Variants in ANAPC1 observed in about 807,000 individuals in gnomAD.
ANAPC1 encodes anaphase promoting complex subunit 1, also known as anaphase-promoting complex subunit 1.
ANAPC1 carries 36 observed loss-of-function variants against 208.0 expected under a neutral mutation model. That is an observed-to-expected ratio of 0.17 (90% CI 0.13 to 0.23). The LOEUF (loss-of-function observed/expected upper bound fraction) is 0.23, where lower values mean the gene tolerates loss of function less well. Ranked by LOEUF, ANAPC1 falls within the 10% of genes least tolerant of loss-of-function variation. The pLI, the probability that ANAPC1 is intolerant of heterozygous loss-of-function variation, is 1.00. For synonymous variants in ANAPC1, 378 were observed against 695.2 expected (o/e 0.54, Z 7.18); for missense variants, 942 against 2,011.6 (o/e 0.47, Z 10.17).
intron 11 of ANAPC1, 21 bp downstream of exon 11, chr2:111,858,285 A>G: frequency 1.3e-6 from 2 of 1,585,358 alleles, no homozygotes; most frequent in Non-Finnish European, 8.6e-7. Flanking sequence ...TACAGAAACA[A>G]TGGGAAAGAC....
At position 111,767,907 on chromosome 2, in the gene ANAPC1, G is replaced by A. The variant is rs1449195161; in HGVS notation, c.*1384C>T. The A allele has an allele frequency of 6.6e-6, 1 of 152,204 alleles. No homozygotes were observed. The highest frequency in any genetic ancestry group is 2.4e-5 in the African/African-American group (1 of 41,446). 9.4% of individuals were successfully genotyped at this position (152,204 alleles called of 1,614,324 possible). On this transcript the variant is annotated 3_prime_UTR_variant, in exon 48 of 48. Coordinates refer to ENST00000341068, the MANE Select transcript of ANAPC1 (RefSeq NM_022662.4). ...CTCGGGGCAGCCACGCAAATGCAAG[G>A]ACAGAGAGTCCAGAGAATACCACTT...
intron 21 of ANAPC1, among the ~76,000 whole-genome samples, chr2:111,828,691 A>G (rs1443167803): frequency 6.6e-6 from 1 of 152,246 alleles, no homozygotes; most frequent in Non-Finnish European, 1.5e-5. Context: ...AATAAGCCAG[A>G]CACAGAGAGA....
intron 6 of ANAPC1, among the ~76,000 whole-genome samples, chr2:111,869,655 G>A (rs1463259457): frequency 6.6e-6 from 1 of 152,218 alleles, no homozygotes; most frequent in Admixed American, 6.5e-5. Flanking sequence ...CATACAGGCT[G>A]AGTATCCCTT....
chr2:111,806,087 TTC>T (rs1678660958), intron 29 of ANAPC1, among the ~76,000 whole-genome samples, 194 bp from the exon 30 acceptor site: 1 of 151,356 alleles, frequency 6.6e-6, no homozygotes, highest in Admixed American at 6.6e-5. Flanking sequence ...CCCAAAATAG[TTC>T]TTTTTAAATT....
In ANAPC1 at chr2:111,799,260, G is replaced by A. The variant is rs529169403; in HGVS notation, c.4296+1537C>T. On this transcript the variant is annotated intron_variant, in intron 34 of 47. Transcript: ENST00000341068. ...TTAAACAACAGTCAGATATCATTACGTATTCATCAGCAGCACTAAAACTTA... is the reference window on the plus strand; with the variant it reads ...TTAAACAACAGTCAGATATCATTACATATTCATCAGCAGCACTAAAACTTA... Among the ~76,000 whole-genome samples the A allele has an allele frequency of 5.2e-3, 792 of 151,738 alleles. 2 individuals are homozygous for A. The highest frequency in any genetic ancestry group is 0.017 in the African/African-American group (688 of 41,486).
chr2:111,844,693 T>C (rs1408618278), intron 16 of ANAPC1, among the ~76,000 whole-genome samples: 1 of 152,134 alleles, frequency 6.6e-6, no homozygotes, highest in Non-Finnish European at 1.5e-5. Context: ...CGAATAGCAA[T>C]GCTTAGCTAG....
chr2:111,879,383 G>T (rs1489415972), intron 2 of ANAPC1, among the ~76,000 whole-genome samples: 1 of 152,126 alleles, frequency 6.6e-6, no homozygotes, highest in Non-Finnish European at 1.5e-5. Context: ...TTCCTGCTTC[G>T]CAATCACATA....
intron 5 of ANAPC1, 69 bp downstream of exon 5, chr2:111,873,239 C>T: frequency 7.2e-6 from 10 of 1,383,798 alleles, no homozygotes; most frequent in South Asian, 1.5e-5. Flanking sequence ...ATAAGACATG[C>T]CTCTAAAACC....
At chr2:111,808,021 T>C (rs1207022300) in intron 29 of ANAPC1, among the ~76,000 whole-genome samples, 3 of 147,248 alleles carry the variant, frequency 2.0e-5, no homozygotes, top group Non-Finnish European at 4.6e-5. Context: ...AAATTATGGG[T>C]CCCAATCTTC....
At chr2:111,775,173 G>A (rs1676938917) in intron 46 of ANAPC1, among the ~76,000 whole-genome samples, 1 of 152,206 alleles carries the variant, frequency 6.6e-6, no homozygotes, top group Non-Finnish European at 1.5e-5. Context: ...GGCTGAGGCA[G>A]GACACTCGCT....
At chr2:111,841,916 C>T (rs1680787089) in intron 17 of ANAPC1, among the ~76,000 whole-genome samples, 1 of 152,160 alleles carries the variant, frequency 6.6e-6, no homozygotes, top group Non-Finnish European at 1.5e-5. Flanking sequence ...AGGTTCACCA[C>T]ACCACAAATA....
intron 16 of ANAPC1, among the ~76,000 whole-genome samples, chr2:111,846,591 A>G (rs1437998659): frequency 2.6e-5 from 2 of 76,208 alleles, no homozygotes; most frequent in African/African-American, 8.6e-5. Context: ...TTTTTTTGAG[A>G]CAGAGTCTCA....
intron 16 of ANAPC1, among the ~76,000 whole-genome samples, chr2:111,845,326 C>T (rs868049933): frequency 6.6e-6 from 1 of 152,172 alleles, no homozygotes; most frequent in Non-Finnish European, 1.5e-5. Flanking sequence ...TCTTTTTTCC[C>T]TTTCCACTGT....
At chr2:111,861,128 T>G (rs2104554370) in intron 10 of ANAPC1, among the ~76,000 whole-genome samples, 1 of 152,252 alleles carries the variant, frequency 6.6e-6, no homozygotes, top group South Asian at 2.1e-4. Flanking sequence ...CAAGCTGGAG[T>G]GCAGTAGTGT....
At chr2:111,873,499 A>C in intron 4 of ANAPC1, 91 bp from the exon 5 acceptor site, 1 of 1,509,538 alleles carries the variant, frequency 6.6e-7, no homozygotes, top group Non-Finnish European at 8.8e-7. Flanking sequence ...CACAATATAA[A>C]GATGCTTATG....
chr2:111,843,359 C>T, intron 17 of ANAPC1, 53 bp downstream of exon 17: 1 of 1,582,040 alleles, frequency 6.3e-7, no homozygotes, highest in Non-Finnish European at 8.7e-7. Context: ...ACCAATTATG[C>T]AACCATTACA....
chr2:111,877,723 G>A (rs911376607), intron 3 of ANAPC1, among the ~76,000 whole-genome samples: 8 of 152,148 alleles, frequency 5.3e-5, no homozygotes, highest in Non-Finnish European at 1.2e-4. Flanking sequence ...GGCAGAGCTT[G>A]CAGTGAGCTG....
chr2:111,858,380 T>C lies in ANAPC1; in HGVS notation c.1284A>G (p.Ser428=), dbSNP rs753053620. 1.9e-6 allele frequency: 3 copies of C among 1,613,414 alleles called. No individual in the cohort carries two copies. The highest frequency in any genetic ancestry group is 2.5e-6 in the Non-Finnish European group (3 of 1,179,564). ...ATAGGTCAGATGTAATAAACACTTTTGAGGCTTGTGAATTTTTCTCTCTAT... is the reference window on the plus strand; with the variant it reads ...ATAGGTCAGATGTAATAAACACTTTCGAGGCTTGTGAATTTTTCTCTCTAT... The part of the protein sequence containing the change: ...TNIREKNSQA[S]KVFITSDLCG... Residue 428 remains serine, a synonymous_variant, in exon 11 of 48, where the codon TCA becomes TCG. Coordinates refer to ENST00000341068, the MANE Select transcript of ANAPC1 (RefSeq NM_022662.4).
intron 18 of ANAPC1, 107 bp downstream of exon 18, chr2:111,838,331 G>C: frequency 3.8e-6 from 3 of 779,442 alleles, no homozygotes; most frequent in Non-Finnish European, 5.8e-6. Context: ...TAAATAAAGT[G>C]AAAGGTGTTG....
Sources: gnomAD v4.1 joint callset for allele counts (sites outside exome capture counted in the v4.1 genomes callset) on GRCh38, gnomAD v4.1.1 for gene constraint, MANE v1.5 for transcripts, NCBI Gene and HGNC (gene_info 2026-07-23, HGNC 2026-07-21) for gene names.